Variants in UBE2J2 observed in about 807,000 individuals in gnomAD.
UBE2J2 encodes the protein ubiquitin-conjugating enzyme E2 J2.
Under a neutral mutation model 28.6 loss-of-function variants are expected in UBE2J2, and 5 were observed. The observed-to-expected ratio is 0.17, with a 90% confidence interval of 0.09 to 0.37. The LOEUF is 0.37. Among genes scored for constraint, UBE2J2 ranks in the 10% least tolerant of loss-of-function variants. UBE2J2 has a pLI of 1.00. For synonymous variants in UBE2J2, 138 were observed against 139.7 expected (o/e 0.99, Z 0.09); for missense variants, 226 against 338.9 (o/e 0.67, Z 2.62).
intron 2 of UBE2J2, among the ~76,000 whole-genome samples, chr1:1,266,813 C>T (rs1247138703): frequency 1.3e-5 from 2 of 152,090 alleles, no homozygotes; most frequent in East Asian, 3.9e-4. Context: ...GGTGACAGTG[C>T]AAGACTGTCT....
intron 3 of UBE2J2, chr1:1,263,054 G>A (rs1639652728): frequency 5.3e-6 from 2 of 374,710 alleles, no homozygotes; most frequent in Non-Finnish European, 1.0e-5. Flanking sequence ...TAGTAGAACA[G>A]GCCAGCTTCA....
chr1:1,262,423 T>C (rs779941809), intron 3 of UBE2J2: 94 of 417,768 alleles, frequency 2.3e-4, no homozygotes, highest in Middle Eastern at 7.0e-4. Context: ...GGTGTGGCTG[T>C]GTTAACTCGG....
chr1:1,265,113 A>C (rs1639772968), intron 2 of UBE2J2, among the ~76,000 whole-genome samples: 1 of 152,150 alleles, frequency 6.6e-6, no homozygotes, highest in Admixed American at 6.5e-5. Flanking sequence ...GGAAGAAATG[A>C]AGAAGTCATC....
chr1:1,268,503 G>A lies in UBE2J2; in HGVS notation c.1-511C>T, dbSNP rs187306083. On this transcript the variant is annotated intron_variant, in intron 1 of 6. Transcript: ENST00000349431. This position sits in a 1 kb window ranked among gnomAD's most constrained non-coding sequence, Gnocchi z 4.7. The stretch of plus-strand genomic sequence containing the variant: ...CCACAAGCAAAACGAGCCGCAGAAC[G>A]GGGGAGCCTCTGCGGCTGGAGGGAC... Among the ~76,000 whole-genome samples the A allele has an allele frequency of 2.0e-5, 3 of 152,238 alleles. No individual in the cohort carries two copies. The highest frequency in any genetic ancestry group is 4.8e-5 in the African/African-American group (2 of 41,536).
chr1:1,261,245 C>A (rs932770038), intron 3 of UBE2J2, among the ~76,000 whole-genome samples: 1 of 152,194 alleles, frequency 6.6e-6, no homozygotes, highest in Non-Finnish European at 1.5e-5. Context: ...GGGACGGGAG[C>A]AGCAGTGCCA....
chr1:1,267,656 GCT>G, intron 2 of UBE2J2: 1 of 1,294,586 alleles, frequency 7.7e-7, no homozygotes, highest in South Asian at 1.6e-5. Flanking sequence ...GTCAAGCATG[GCT>G]CTGTGATGTC....
intron 2 of UBE2J2, chr1:1,263,657 C>T (rs1383282834): frequency 5.9e-6 from 2 of 337,280 alleles, no homozygotes; most frequent in Admixed American, 4.1e-5. Context: ...ATAACATGCA[C>T]GAAGCTCATC....
chr1:1,256,909 AAAG>A, intron 5 of UBE2J2, 80 bp downstream of exon 5: 3 of 1,183,206 alleles, frequency 2.5e-6, no homozygotes, highest in Non-Finnish European at 2.2e-6. Context: ...AAAAAAAAAA[AAAG>A]GCAGCTGCAA....
At position 1,254,715 on chromosome 1, in the gene UBE2J2, C is replaced by CTGTG; in HGVS notation, c.*487_*488insCACA. ...TCCTGAGCCACGGCCGTCACTGGCC[C>CTGTG]CGCTAAGCCTCATCACCACACGGCC... On this transcript the variant is annotated 3_prime_UTR_variant, in exon 7 of 7. Coordinates refer to ENST00000349431, the MANE Select transcript of UBE2J2 (RefSeq NM_058167.3). 1 of 156,192 alleles carries CTGTG rather than the reference C, an allele frequency of 6.4e-6. No individual in the cohort carries two copies. Among genetic ancestry groups the CTGTG allele is most frequent in the South Asian group, 2.0e-4 (1 of 4,924 alleles). The allele number at this position is 156,192 out of a possible 1,614,324, so 9.7% of individuals were successfully genotyped here.
chr1:1,271,639 T>C, intron 1 of UBE2J2: 1 of 152,152 alleles, frequency 6.6e-6, no homozygotes, highest in Non-Finnish European at 1.5e-5. Context: ...CCCCCAATTC[T>C]TCTCATCCCA....
chr1:1,271,457 A>G (rs1640138856), intron 1 of UBE2J2: 1 of 152,240 alleles, frequency 6.6e-6, no homozygotes, highest in Admixed American at 6.5e-5. Context: ...ACAGCCGCGC[A>G]AAAATAAAAT....
At position 1,255,286 on chromosome 1, in the gene UBE2J2, G is replaced by A. The variant is rs1388473124; in HGVS notation, c.697C>T (p.Leu233=). Residue 233 remains leucine, a synonymous_variant, in exon 7 of 7, where the codon CTG becomes TTG. Transcript: ENST00000349431. ...NRHHGLLGGA[L]ANLFVIVGFA... ...CCAACTATCACAAACAAGTTCGCCA[G>A]GGCGCCACCCAGGAGTCCGTGGTGC... 3.1e-6 allele frequency: 5 copies of A among 1,613,578 alleles called. No individual in the cohort carries two copies. In the South Asian group the frequency reaches 3.3e-5, roughly 11 times the overall value.
At chr1:1,271,291 T>C (rs1244424677) in intron 1 of UBE2J2, among the ~76,000 whole-genome samples, 1 of 152,240 alleles carries the variant, frequency 6.6e-6, no homozygotes, top group African/African-American at 2.4e-5. Flanking sequence ...GCCACAGTGA[T>C]GACCCCAAGC....
rs780328587 is a variant in UBE2J2, at chr1:1,255,212, C to A, written c.771G>T (p.Ala257=). 1.9e-6 allele frequency: 3 copies of A among 1,595,998 alleles called. No individual in the cohort carries two copies. The South Asian group carries it at 3.4e-5, about 18-fold the overall frequency. ...YTVKYVLRSI[A]QE is the part of the protein sequence containing the mutation. ...TCTCGGCGCCTGGGCCTCACTCCTG[C>A]GCGATGCTCCTCAGCACGTACTTGA... is the stretch of plus-strand genomic sequence containing the variant. Residue 257 remains alanine, a synonymous_variant, in exon 7 of 7, where the codon GCG becomes GCT. Coordinates refer to ENST00000349431, the MANE Select transcript of UBE2J2 (RefSeq NM_058167.3).
At chr1:1,256,871 G>A in intron 5 of UBE2J2, 121 bp downstream of exon 5, 1 of 1,018,804 alleles carries the variant, frequency 9.8e-7, no homozygotes, top group Non-Finnish European at 1.3e-6. Context: ...TGGAGACACA[G>A]CGAGACTCCG....
In UBE2J2 at chr1:1,273,784, GC is replaced by G. The variant is rs1570592518; in HGVS notation, c.-120del. ...AACAGCCGCACCGCCCCGGGATTGG[GC>G]CCACCGAACCCGCCGCAGCGCCGCC... On this transcript the variant is annotated 5_prime_UTR_variant, in exon 1 of 7. Transcript: ENST00000349431. 8 of 152,330 alleles carry G rather than the reference GC, an allele frequency of 5.3e-5. No homozygotes were observed. In the East Asian group the frequency reaches 1.6e-3, roughly 31 times the overall value. The allele number at this position is 152,330 out of a possible 1,614,324, so 9.4% of individuals were successfully genotyped here. A position where few individuals can be genotyped will look rare whatever the true frequency, so the allele number is the denominator to read the frequency against.
chr1:1,263,076 G>C, intron 3 of UBE2J2: 1 of 413,562 alleles, frequency 2.4e-6, no homozygotes, highest in Non-Finnish European at 4.5e-6. Flanking sequence ...TGTTTACCCC[G>C]GTCTGGTTTT....
At chr1:1,269,956 T>C (rs79455564) in intron 1 of UBE2J2, among the ~76,000 whole-genome samples, 4,334 of 152,296 alleles carry the variant, frequency 0.028, 99 homozygotes, top group Non-Finnish European at 0.046. Flanking sequence ...ATCCCCCATG[T>C]TGAGGGAGGG....
chr1:1,271,559 C>T (rs2100256593), intron 1 of UBE2J2: 1 of 152,228 alleles, frequency 6.6e-6, no homozygotes, highest in Admixed American at 6.5e-5. Context: ...CTGCTGTTTC[C>T]CCAGCCACTC....
Sources: allele counts gnomAD v4.1 joint callset (sites outside exome capture counted in the v4.1 genomes callset), GRCh38; gene constraint gnomAD v4.1.1; non-coding constraint Gnocchi (gnomAD v3.1); transcripts MANE v1.5; gene names NCBI Gene and HGNC (gene_info 2026-07-23, HGNC 2026-07-21).